The following PAPPA variants were observed in gnomAD, a reference collection of about 807,000 sequenced individuals.
PAPPA encodes the protein pappalysin 1, also known as pappalysin-1.
Under a neutral mutation model 164.0 loss-of-function variants are expected in PAPPA, and 60 were observed. The observed-to-expected ratio is 0.37, with a 90% confidence interval of 0.30 to 0.45. The LOEUF (loss-of-function observed/expected upper bound fraction) is 0.45. Among genes scored for constraint, PAPPA ranks in the 20% least tolerant of loss-of-function variants. The pLI, the probability that PAPPA is intolerant of heterozygous loss-of-function variation, is 1.00. For synonymous variants in PAPPA, 875 were observed against 814.1 expected (o/e 1.07, Z -1.27); for missense variants, 1,782 against 2,087.3 (o/e 0.85, Z 2.85).
At position 116,361,066 on chromosome 9, in the gene PAPPA, C is replaced by A. The variant is rs1026952911; in HGVS notation, c.4348-1526C>A. Among the ~76,000 whole-genome samples the A allele has an allele frequency of 2.6e-5, 4 of 152,204 alleles. No individual in the cohort carries two copies. The East Asian group carries it at 7.7e-4, about 29-fold the overall frequency. On this transcript the variant is annotated intron_variant, in intron 17 of 21. Transcript: ENST00000328252. ...CATACGATGCCTTCACAAATGCAGG[C>A]AATTTAAACTGAAGTTCAAGGTTGG...
intron 2 of PAPPA, among the ~76,000 whole-genome samples, chr9:116,192,677 AG>A (rs1171994827): frequency 1.3e-5 from 2 of 152,198 alleles, no homozygotes; most frequent in Non-Finnish European, 2.9e-5. Flanking sequence ...CCTTTCTATG[AG>A]ACTAGCCAGT....
intron 10 of PAPPA, among the ~76,000 whole-genome samples, chr9:116,326,515 G>A (rs771706858): frequency 2.0e-5 from 3 of 152,102 alleles, no homozygotes; most frequent in Non-Finnish European, 4.4e-5. Context: ...ATACATTCAG[G>A]CCAGTGGATC....
intron 2 of PAPPA, among the ~76,000 whole-genome samples, chr9:116,204,774 A>C (rs1000146397): frequency 3.9e-5 from 6 of 152,188 alleles, no homozygotes; most frequent in African/African-American, 1.4e-4. Context: ...CAGCCTTCCC[A>C]AAAATTGCAA....
At chr9:116,175,350 C>A (rs1039685413) in intron 1 of PAPPA, among the ~76,000 whole-genome samples, 1 of 152,156 alleles carries the variant, frequency 6.6e-6, no homozygotes. Context: ...CTATTGCACA[C>A]TTGAAAATTG....
At chr9:116,217,024 G>A (rs559877445) in intron 4 of PAPPA, among the ~76,000 whole-genome samples, 1 of 152,278 alleles carries the variant, frequency 6.6e-6, no homozygotes, top group Non-Finnish European at 1.5e-5. Context: ...ACAGGAGAGA[G>A]CCACTGTGCC....
At chr9:116,170,989 C>T (rs1843769978) in intron 1 of PAPPA, among the ~76,000 whole-genome samples, 1 of 152,144 alleles carries the variant, frequency 6.6e-6, no homozygotes, top group South Asian at 2.1e-4. Context: ...AGTGTTCTGC[C>T]TGCATAGTTC....
intron 1 of PAPPA, among the ~76,000 whole-genome samples, chr9:116,186,828 T>A (rs1322581729): frequency 2.0e-5 from 3 of 152,202 alleles, no homozygotes; most frequent in Non-Finnish European, 4.4e-5. Flanking sequence ...TTGCAACAAC[T>A]TCATTAGATG....
chr9:116,202,974 A>G (rs1344878289), intron 2 of PAPPA, among the ~76,000 whole-genome samples: 1 of 152,100 alleles, frequency 6.6e-6, no homozygotes, highest in African/African-American at 2.4e-5. Context: ...CTATTTCACA[A>G]CCTCACTGAA....
chr9:116,366,129 G>C lies in PAPPA; in HGVS notation c.4496-1516G>C, dbSNP rs571544524. ...GTTTGGAGGGTGGTTTCGATACTAA[G>C]AGAAATGGCCTCTTTCAGGCCTAGT... On this transcript the variant is annotated intron_variant, in intron 18 of 21. Coordinates refer to ENST00000328252, the MANE Select transcript of PAPPA (RefSeq NM_002581.5). Among the ~76,000 whole-genome samples, 135 of 152,334 alleles carry C rather than the reference G, an allele frequency of 8.9e-4. 2 individuals are homozygous for C. The highest frequency in any genetic ancestry group is 1.3e-3 in the Non-Finnish European group (91 of 68,028).
At chr9:116,346,935 G>A (rs951133984) in intron 14 of PAPPA, 91 bp from the exon 15 acceptor site, 17 of 1,068,682 alleles carry the variant, frequency 1.6e-5, no homozygotes, top group Non-Finnish European at 2.2e-5. Flanking sequence ...GCCTGGGCGA[G>A]ACTCTGAGCC....
intron 21 of PAPPA, among the ~76,000 whole-genome samples, chr9:116,388,021 C>T (rs1261629028): frequency 6.6e-6 from 1 of 152,190 alleles, no homozygotes; most frequent in Non-Finnish European, 1.5e-5. Context: ...GGGCTAGGGC[C>T]TCCGTGATGC....
chr9:116,203,240 G>A (rs1444141978), intron 2 of PAPPA, among the ~76,000 whole-genome samples: 1 of 152,210 alleles, frequency 6.6e-6, no homozygotes, highest in Non-Finnish European at 1.5e-5. Context: ...AGGTTTGTTG[G>A]CAGGCTTTTC....
chr9:116,167,006 G>A (rs998759647), intron 1 of PAPPA, among the ~76,000 whole-genome samples: 3 of 152,196 alleles, frequency 2.0e-5, no homozygotes, highest in African/African-American at 7.2e-5. Context: ...AAATCTGAAT[G>A]AACATTATAA....
intron 5 of PAPPA, among the ~76,000 whole-genome samples, chr9:116,224,095 CT>C (rs1179417260): frequency 6.6e-6 from 1 of 152,224 alleles, no homozygotes; most frequent in African/African-American, 2.4e-5. Flanking sequence ...CCTCTCGCCC[CT>C]GGCCATCCTC....
chr9:116,221,627 T>G (rs958372093), intron 5 of PAPPA, among the ~76,000 whole-genome samples: 2 of 152,144 alleles, frequency 1.3e-5, no homozygotes, highest in African/African-American at 4.8e-5. Flanking sequence ...CTTCAGCTCT[T>G]GTTTTGTATT....
At chr9:116,227,278 G>T (rs1844524913) in intron 5 of PAPPA, among the ~76,000 whole-genome samples, 153 bp from the exon 6 acceptor site, 1 of 152,188 alleles carries the variant, frequency 6.6e-6, no homozygotes, top group African/African-American at 2.4e-5. Context: ...TTCACTTACG[G>T]TTATTTCCAG....
intron 9 of PAPPA, 141 bp from the exon 10 acceptor site, chr9:116,302,616 G>A (rs1845592674): frequency 1.7e-6 from 1 of 596,536 alleles, no homozygotes; most frequent in Non-Finnish European, 2.9e-6. Context: ...TCAAGACTGA[G>A]TAATAGTCCA....
chr9:116,398,406 A>C lies in PAPPA; in HGVS notation c.*1790A>C. ...AAACAAAACCTAGCATAGGGATAGA[A>C]AATACCATGCACGTGTGCAGCCCCA... On this transcript the variant is annotated 3_prime_UTR_variant, in exon 22 of 22. Coordinates refer to ENST00000328252, the MANE Select transcript of PAPPA (RefSeq NM_002581.5). 2.7e-6 allele frequency: 1 copy of C among 367,072 alleles called. No individual in the cohort carries two copies. The highest frequency in any genetic ancestry group is 7.6e-5 in the East Asian group (1 of 13,126). 22.7% of individuals were successfully genotyped at this position (367,072 alleles called of 1,614,324 possible). A position where few individuals can be genotyped will look rare whatever the true frequency, so the allele number is the denominator to read the frequency against.
chr9:116,352,382 ATT>A (rs1365854557), intron 15 of PAPPA, among the ~76,000 whole-genome samples: 1 of 152,212 alleles, frequency 6.6e-6, no homozygotes, highest in Non-Finnish European at 1.5e-5. Context: ...TCAGATGCCC[ATT>A]TGTAAAGTAA....
Sources: gnomAD v4.1 joint callset for allele counts (sites outside exome capture counted in the v4.1 genomes callset) on GRCh38, gnomAD v4.1.1 for gene constraint, MANE v1.5 for transcripts, NCBI Gene and HGNC (gene_info 2026-07-23, HGNC 2026-07-21) for gene names.